Variants in AVL9 observed in about 807,000 individuals in gnomAD.
AVL9 encodes late secretory pathway protein AVL9 homolog.
AVL9 carries 49 observed loss-of-function variants against 79.2 expected under a neutral mutation model. The observed-to-expected ratio is 0.62, with a 90% confidence interval of 0.49 to 0.79. AVL9 has a LOEUF of 0.79. AVL9 is among the 30% of genes least tolerant of loss of function. The pLI, the probability that AVL9 is intolerant of heterozygous loss-of-function variation, is 0.00. For synonymous variants in AVL9, 299 were observed against 280.6 expected (o/e 1.07, Z -0.65); for missense variants, 682 against 776.8 (o/e 0.88, Z 1.45).
chr7:32,521,430 T>A (rs576995514), intron 1 of AVL9, among the ~76,000 whole-genome samples: 1 of 152,266 alleles, frequency 6.6e-6, no homozygotes, highest in East Asian at 1.9e-4. Flanking sequence ...AAGGTGACTT[T>A]TGTTATGTTT....
chr7:32,564,589 C>G (rs1376277365), intron 10 of AVL9, among the ~76,000 whole-genome samples: 1 of 152,182 alleles, frequency 6.6e-6, no homozygotes, highest in Non-Finnish European at 1.5e-5. Flanking sequence ...GGAAGAAAGT[C>G]TTCAGCTTAC....
intron 13 of AVL9, among the ~76,000 whole-genome samples, chr7:32,577,311 A>G (rs904933186): frequency 3.3e-5 from 5 of 152,224 alleles, no homozygotes; most frequent in African/African-American, 4.8e-5. Context: ...CTTTTAAAGT[A>G]CTAGGTTCAA....
chr7:32,503,550 C>T (rs1787270349), intron 1 of AVL9, among the ~76,000 whole-genome samples: 2 of 106,990 alleles, frequency 1.9e-5, no homozygotes, highest in African/African-American at 7.4e-5. Context: ...AGCAAGACTC[C>T]GTCTCAAGGG....
chr7:32,520,304 G>A (rs1307412471), intron 1 of AVL9, among the ~76,000 whole-genome samples: 2 of 152,182 alleles, frequency 1.3e-5, no homozygotes, highest in Non-Finnish European at 2.9e-5. Flanking sequence ...AGCTTCTTGA[G>A]AAATCTCTAA....
At chr7:32,536,177 C>A (rs1442684645) in intron 1 of AVL9, 2 of 133,796 alleles carry the variant, frequency 1.5e-5, no homozygotes, top group South Asian at 5.1e-4. Flanking sequence ...TTAGGGCTGC[C>A]ATGTACAGCT....
chr7:32,574,239 A>G (rs1790984360), intron 12 of AVL9, among the ~76,000 whole-genome samples: 1 of 59,686 alleles, frequency 1.7e-5, no homozygotes. Context: ...GATTTTTTTA[A>G]TCAACACCAC....
Position 32,548,151 on chromosome 7 carries a change from C to CTTTTGTTTTCTTTTTGTTTTTTT in AVL9, c.301-692_301-691insGTTTTCTTTTTGTTTTTTTTTTT, listed in dbSNP as rs71559236. Among the ~76,000 whole-genome samples the CTTTTGTTTTCTTTTTGTTTTTTT allele has an allele frequency of 1.2e-3, 154 of 131,566 alleles. 9 individuals are homozygous for CTTTTGTTTTCTTTTTGTTTTTTT. The highest frequency in any genetic ancestry group is 1.7e-3 in the Admixed American group (23 of 13,378). The allele number at this position is 131,566 out of a possible 152,430, so 86.3% of individuals were successfully genotyped here. On this transcript the variant is annotated intron_variant, in intron 3 of 15. Transcript: ENST00000318709. ...TGTCTGTTTTTGTCATCTCTTTTTT[C>CTTTTGTTTTCTTTTTGTTTTTTT]TTTTTTTTTTTTTTGAGACGGAGTC...
At chr7:32,497,611 C>T (rs1390939771) in intron 1 of AVL9, among the ~76,000 whole-genome samples, 1 of 150,780 alleles carries the variant, frequency 6.6e-6, no homozygotes, top group Non-Finnish European at 1.5e-5. Flanking sequence ...GACTGCTCTT[C>T]CAAGTATTCA....
intron 10 of AVL9, among the ~76,000 whole-genome samples, chr7:32,566,970 A>T (rs1024411103): frequency 1.3e-5 from 2 of 152,170 alleles, no homozygotes; most frequent in Non-Finnish European, 2.9e-5. Flanking sequence ...GAGTCTTAAA[A>T]CTTTTCTAAA....
At chr7:32,581,002 A>T in intron 15 of AVL9, 112 bp downstream of exon 15, 2 of 848,450 alleles carry the variant, frequency 2.4e-6, no homozygotes, top group East Asian at 5.4e-5. Flanking sequence ...GTGTTATCAC[A>T]TAGTAATACA....
chr7:32,559,025 A>G lies in AVL9; in HGVS notation c.776A>G (p.Asp259Gly). 1 of 1,614,138 alleles carries G rather than the reference A, an allele frequency of 6.2e-7. No homozygotes were observed. The highest frequency in any genetic ancestry group is 8.5e-7 in the Non-Finnish European group (1 of 1,179,996). ...GGLQESNPCA[D>G]DFVSASTADV... ...CTTCAGGAAAGTAACCCATGTGCAGATGATTTTGTTTCTGCATCCACTGCT... is the reference window on the plus strand; with the variant it reads ...CTTCAGGAAAGTAACCCATGTGCAGGTGATTTTGTTTCTGCATCCACTGCT... Residue 259 changes from aspartate to glycine, a missense_variant, in exon 10 of 16, where the codon GAT becomes GGT. Asp to Gly is a moderately conservative substitution (Grantham distance 94). Transcript: ENST00000318709.
chr7:32,548,214 C>T (rs1233234332), intron 3 of AVL9, among the ~76,000 whole-genome samples: 4 of 141,634 alleles, frequency 2.8e-5, no homozygotes, highest in Non-Finnish European at 4.5e-5. Flanking sequence ...GTGGCGTGAT[C>T]TCAGCTCACT....
intron 1 of AVL9, among the ~76,000 whole-genome samples, chr7:32,539,957 C>T (rs1338704426): frequency 4.6e-5 from 7 of 152,192 alleles, no homozygotes; most frequent in African/African-American, 9.6e-5. Context: ...ACACTTTACC[C>T]GCCTGGATAA....
At position 32,551,424 on chromosome 7, in the gene AVL9, G is replaced by A; in HGVS notation, c.462+1G>A. 2 of 1,554,532 alleles carry A rather than the reference G, an allele frequency of 1.3e-6. No individual in the cohort carries two copies. Among genetic ancestry groups the A allele is most frequent in the East Asian group, 2.2e-5 (1 of 44,488 alleles). On this transcript the variant is annotated splice_donor_variant, in intron 5 of 15. Coordinates refer to ENST00000318709, the MANE Select transcript of AVL9 (RefSeq NM_015060.3). LOFTEE classifies it high-confidence loss of function. Reference sequence around the variant, plus strand: ...TTTTTCCCAAATTTCTATTCTAAAGGTAACTTTATACCCCTCTATAGATGT... The same window carrying A: ...TTTTTCCCAAATTTCTATTCTAAAGATAACTTTATACCCCTCTATAGATGT...
chr7:32,513,024 C>G (rs1413412681), intron 1 of AVL9, among the ~76,000 whole-genome samples: 9 of 152,150 alleles, frequency 5.9e-5, no homozygotes, highest in African/African-American at 1.9e-4. Context: ...CCCTTTCCTT[C>G]TACCAACTAC....
intron 1 of AVL9, among the ~76,000 whole-genome samples, chr7:32,502,406 A>AAAAAAAAAAAAAAAAG (rs201243248): frequency 6.4e-5 from 9 of 140,114 alleles, no homozygotes; most frequent in Non-Finnish European, 1.4e-4. Flanking sequence ...AAAAAAAAAA[A>AAAAAAAAAAAAAAAAG]AAAGAAAGAA....
At chr7:32,540,018 T>C (rs963257185) in intron 1 of AVL9, among the ~76,000 whole-genome samples, 1 of 152,206 alleles carries the variant, frequency 6.6e-6, no homozygotes, top group East Asian at 1.9e-4. Flanking sequence ...TTTGCCCTTT[T>C]GCCAAGTAAG....
chr7:32,509,744 G>A (rs905657454), intron 1 of AVL9, among the ~76,000 whole-genome samples: 4 of 152,070 alleles, frequency 2.6e-5, no homozygotes, highest in South Asian at 2.1e-4. Context: ...CCAGCTACTC[G>A]GGAGGCTGAA....
chr7:32,535,536 C>G (rs1337448178), intron 1 of AVL9: 1 of 152,192 alleles, frequency 6.6e-6, no homozygotes, highest in African/African-American at 2.4e-5. Flanking sequence ...TCCCAAAATA[C>G]TCACTACCCA....
Sources: allele counts gnomAD v4.1 joint callset (sites outside exome capture counted in the v4.1 genomes callset), GRCh38; gene constraint gnomAD v4.1.1; transcripts MANE v1.5; gene names NCBI Gene and HGNC (gene_info 2026-07-23, HGNC 2026-07-21).